The following NFAT5 variants were observed in gnomAD, a reference collection of about 807,000 sequenced individuals.
NFAT5 encodes nuclear factor of activated T-cells 5.
Under a neutral mutation model 166.5 loss-of-function variants are expected in NFAT5, and 31 were observed. The observed-to-expected ratio is 0.19, with a 90% confidence interval of 0.14 to 0.25. The LOEUF (loss-of-function observed/expected upper bound fraction) is 0.25. Ranked by LOEUF, NFAT5 falls within the 10% of genes least tolerant of loss-of-function variation. The pLI is 1.00. For missense variants in NFAT5, 1,449 were observed against 1,821.8 expected, an observed-to-expected ratio of 0.80 and a Z score of 3.72; for synonymous variants, 612 against 639.7, an observed-to-expected ratio of 0.96 and a Z score of 0.65.
At chr16:69,683,664 T>TA (rs1387497326) in intron 10 of NFAT5, among the ~76,000 whole-genome samples, 1 of 152,200 alleles carries the variant, frequency 6.6e-6, no homozygotes, top group African/African-American at 2.4e-5. Context: ...ATTTATAGTT[T>TA]AAATTTGTTA....
chr16:69,630,555 G>A (rs931196016), intron 3 of NFAT5, among the ~76,000 whole-genome samples: 2 of 152,128 alleles, frequency 1.3e-5, no homozygotes, highest in African/African-American at 2.4e-5. Context: ...ATGAATGAAA[G>A]CTTTAAAAAT....
At chr16:69,631,885 C>T (rs748112624) in intron 3 of NFAT5, among the ~76,000 whole-genome samples, 1 of 152,142 alleles carries the variant, frequency 6.6e-6, no homozygotes, top group Non-Finnish European at 1.5e-5. Context: ...CTTGTTGGAC[C>T]ACTGTCGGTT....
intron 3 of NFAT5, among the ~76,000 whole-genome samples, chr16:69,632,948 C>G (rs1002229223): frequency 8.5e-5 from 13 of 152,246 alleles, no homozygotes; most frequent in African/African-American, 2.6e-4. Context: ...CTCCTTCTAT[C>G]TTATTATACT....
At chr16:69,640,713 G>C (rs1191652605) in intron 3 of NFAT5, among the ~76,000 whole-genome samples, 1 of 152,196 alleles carries the variant, frequency 6.6e-6, no homozygotes, top group Non-Finnish European at 1.5e-5. Flanking sequence ...CAGGCACAGT[G>C]GTTCACGCCT....
At position 69,650,170 on chromosome 16, in the gene NFAT5, G is replaced by A. The variant is rs147834698; in HGVS notation, c.812+2584G>A. Among the ~76,000 whole-genome samples, 17 of 152,024 alleles carry A rather than the reference G, an allele frequency of 1.1e-4. No individual in the cohort carries two copies. The East Asian group carries it at 2.5e-3, about 22-fold the overall frequency. Reference sequence around the variant, plus strand: ...ACATAGGTCACCAGAAGGATTATGCGGCACGAATAAATTAGAATGTCATTT... The same window carrying A: ...ACATAGGTCACCAGAAGGATTATGCAGCACGAATAAATTAGAATGTCATTT... On this transcript the variant is annotated intron_variant, in intron 4 of 14. Transcript: ENST00000349945.
intron 3 of NFAT5, among the ~76,000 whole-genome samples, 166 bp from the exon 4 acceptor site, chr16:69,646,862 T>G (rs186443370): frequency 6.6e-6 from 1 of 152,366 alleles, no homozygotes; most frequent in Admixed American, 6.5e-5. Context: ...TTCCATTTCT[T>G]AGGCCTTATA....
chr16:69,677,136 C>T (rs2036862281), intron 9 of NFAT5, 67 bp from the exon 10 acceptor site: 2 of 1,429,084 alleles, frequency 1.4e-6, no homozygotes, highest in African/African-American at 1.5e-5. Context: ...AGGAAATATA[C>T]TTCATTTAAA....
chr16:69,641,040 G>A lies in NFAT5; in HGVS notation c.254-5988G>A, dbSNP rs1388957999. The stretch of plus-strand genomic sequence containing the variant: ...CACACCTGTAATCCCAGCACTTTGA[G>A]AGGCCAAAGTGGGCAGAACACAAGG... On this transcript the variant is annotated intron_variant, in intron 3 of 14. Coordinates refer to ENST00000349945, the MANE Select transcript of NFAT5 (RefSeq NM_138713.4). Among the ~76,000 whole-genome samples the A allele has an allele frequency of 3.2e-4, 49 of 151,300 alleles. 1 individual carries two copies. The highest frequency in any genetic ancestry group is 3.2e-3 in the Admixed American group (49 of 15,182).
rs950489797 is a variant in NFAT5 at position 69,700,673 on chromosome 16, T to C, written c.*4322T>C. On this transcript the variant is annotated 3_prime_UTR_variant, in exon 15 of 15. Coordinates refer to ENST00000349945, the MANE Select transcript of NFAT5 (RefSeq NM_138713.4). ...GCTTTATGACCACAGGTTTTATCCC[T>C]AACCGAGACAGCTGTCTTATATCTG... 8 of 152,318 alleles carry C rather than the reference T, an allele frequency of 5.3e-5. No individual in the cohort carries two copies. The highest frequency in any genetic ancestry group is 1.7e-4 in the African/African-American group (7 of 41,576). The allele number at this position is 152,318 out of a possible 1,614,324, so 9.4% of individuals were successfully genotyped here.
chr16:69,689,278 GAT>G (rs1273044464), intron 11 of NFAT5, among the ~76,000 whole-genome samples: 1 of 151,950 alleles, frequency 6.6e-6, no homozygotes, highest in African/African-American at 2.4e-5. Context: ...TCTCAAATAA[GAT>G]AAAATAAAAT....
chr16:69,665,137 A>G (rs1046436088), intron 7 of NFAT5, among the ~76,000 whole-genome samples: 2 of 152,174 alleles, frequency 1.3e-5, no homozygotes, highest in Non-Finnish European at 2.9e-5. Flanking sequence ...CATCTCGTAA[A>G]CTTTAAAGAA....
At position 69,701,943 on chromosome 16, in the gene NFAT5, A is replaced by G. The variant is rs1023172944; in HGVS notation, c.*5592A>G. On this transcript the variant is annotated 3_prime_UTR_variant, in exon 15 of 15. Transcript: ENST00000349945. ...AGACCTAAGATAATTCCTTTTGATC[A>G]GATACAGTCAGATGGAGTGCCTTGG... 1 of 152,392 alleles carries G rather than the reference A, an allele frequency of 6.6e-6. No homozygotes were observed. The highest frequency in any genetic ancestry group is 2.4e-5 in the African/African-American group (1 of 41,444). 9.4% of individuals were successfully genotyped at this position (152,392 alleles called of 1,614,324 possible). A position where few individuals can be genotyped will look rare whatever the true frequency, so the allele number is the denominator to read the frequency against.
At chr16:69,610,862 C>T (rs1354451739) in intron 2 of NFAT5, among the ~76,000 whole-genome samples, 3 of 152,076 alleles carry the variant, frequency 2.0e-5, no homozygotes, top group Non-Finnish European at 4.4e-5. Flanking sequence ...CTCCTACTAC[C>T]TTTTTTCCCT....
Position 69,693,315 on chromosome 16 carries a change from C to T in NFAT5, c.3490C>T (p.Pro1164Ser), listed in dbSNP as rs779138756. Residue 1164 changes from proline (P) to serine (S), a missense_variant, in exon 13 of 15, where the codon CCC becomes TCC. By Grantham distance (74) the Pro-to-Ser change is moderately conservative. Around this residue, in one of 7 missense-constraint regions of NFAT5, gnomAD observed 891 missense variants for 993.0 expected, o/e 0.90. Coordinates refer to ENST00000349945, the MANE Select transcript of NFAT5 (RefSeq NM_138713.4). ...QSTNIFLSQS[P>S]MNNLQTNTVA... ...AACCAACATATTTCTTTCCCAGAGT[C>T]CCATGAATAATCTTCAGACTAACAC... 9.3e-6 allele frequency: 15 copies of T among 1,614,074 alleles called. No individual in the cohort carries two copies. In the East Asian group the frequency reaches 1.8e-4, roughly 19 times the overall value.
chr16:69,601,113 C>T (rs1200727354), intron 2 of NFAT5, among the ~76,000 whole-genome samples: 1 of 152,026 alleles, frequency 6.6e-6, no homozygotes, highest in Non-Finnish European at 1.5e-5. Context: ...ACACACACAC[C>T]CTTAAGCACT....
At chr16:69,583,344 G>A (rs2031824552) in intron 2 of NFAT5, among the ~76,000 whole-genome samples, 1 of 151,226 alleles carries the variant, frequency 6.6e-6, no homozygotes, top group Non-Finnish European at 1.5e-5. Context: ...GGACTACTCA[G>A]TGTTTACAGG....
chr16:69,649,343 C>A, intron 4 of NFAT5: 1 of 971,630 alleles, frequency 1.0e-6, no homozygotes, highest in Non-Finnish European at 1.2e-6. Context: ...AAATTTAGAG[C>A]AAATAGAATT....
intron 2 of NFAT5, among the ~76,000 whole-genome samples, chr16:69,604,063 C>T (rs1331348774): frequency 6.6e-6 from 1 of 152,108 alleles, no homozygotes; most frequent in African/African-American, 2.4e-5. Context: ...ATCCTCAGAA[C>T]AACCATATAA....
At chr16:69,578,578 AGT>A (rs1350562468) in intron 2 of NFAT5, among the ~76,000 whole-genome samples, 1 of 152,234 alleles carries the variant, frequency 6.6e-6, no homozygotes, top group Non-Finnish European at 1.5e-5. Context: ...CTCGTGTTTA[AGT>A]GTGTCTTATG....
Sources: allele counts gnomAD v4.1 joint callset (sites outside exome capture counted in the v4.1 genomes callset), GRCh38; gene constraint gnomAD v4.1.1; regional missense constraint gnomAD v4.1.1; transcripts MANE v1.5; gene names NCBI Gene and HGNC (gene_info 2026-07-23, HGNC 2026-07-21).